Variants in DHRSX observed in about 807,000 individuals in gnomAD.
The protein encoded by DHRSX is dehydrogenase/reductase X-linked.
DHRSX carries 31 observed loss-of-function variants against 34.0 expected under a neutral mutation model. The observed-to-expected ratio is 0.91, with a 90% CI of 0.69 to 1.23. The LOEUF (loss-of-function observed/expected upper bound fraction) is 1.23, where lower values mean the gene tolerates loss of function less well. DHRSX is among the 50% of genes most tolerant of loss of function. The probability of loss-of-function intolerance (pLI) is 0.00; values close to 1 mark genes in which losing one functional copy is unlikely to be tolerated. For missense variants in DHRSX, 414 were observed against 428.1 expected (o/e 0.97, Z 0.29); for synonymous variants, 201 against 183.8 (o/e 1.09, Z -0.76).
chrX:2,423,666 C>T (rs1481963947), intron 2 of DHRSX, among the ~76,000 whole-genome samples: 1 of 152,034 alleles, frequency 6.6e-6, no homozygotes, highest in Non-Finnish European at 1.5e-5. Context: ...TTTCCAAGCT[C>T]GTCTCCACAC....
chrX:2,266,920 T>A lies in DHRSX; in HGVS notation c.416A>T (p.Lys139Ile). ...ATGTTCTTCGAATCCATCTCTGGTT[T>A]TCCTCTGAGGGACCATCATCACCCC... ...NAGVMMVPQRKTRDGFEEHFG... is the reference protein window; with the variant it reads ...NAGVMMVPQRITRDGFEEHFG... The change falls in exon 5 of 7, where the codon AAA (lysine) becomes ATA (isoleucine). Residue 139 changes from lysine to isoleucine, a missense_variant. Coordinates refer to ENST00000334651, the MANE Select transcript of DHRSX (RefSeq NM_145177.3). 1 of 1,613,972 alleles carries A rather than the reference T, an allele frequency of 6.2e-7. No individual in the cohort carries two copies. Among genetic ancestry groups the A allele is most frequent in the Non-Finnish European group, 8.5e-7 (1 of 1,179,860 alleles).
chrX:2,388,801 G>C (rs2043301731), intron 3 of DHRSX, among the ~76,000 whole-genome samples: 1 of 151,852 alleles, frequency 6.6e-6, no homozygotes, highest in African/African-American at 2.4e-5. Flanking sequence ...CCAGCCTCCA[G>C]GACTGTGGGA....
intron 1 of DHRSX, among the ~76,000 whole-genome samples, chrX:2,463,180 G>A (rs963011934): frequency 2.0e-5 from 3 of 152,216 alleles, no homozygotes; most frequent in Non-Finnish European, 4.4e-5. Flanking sequence ...CCCAACTGAA[G>A]GTATTTTATT....
At chrX:2,232,312 C>T (rs2015913426) in intron 6 of DHRSX, among the ~76,000 whole-genome samples, 1 of 139,186 alleles carries the variant, frequency 7.2e-6, no homozygotes, top group African/African-American at 2.8e-5. Context: ...CCTGAATGAA[C>T]TTGTATCCAC....
At chrX:2,229,659 G>GTATGTA (rs199865705) in intron 6 of DHRSX, among the ~76,000 whole-genome samples, 1 of 152,074 alleles carries the variant, frequency 6.6e-6, no homozygotes, top group Non-Finnish European at 1.5e-5. Context: ...GTGCATGTCT[G>GTATGTA]TATGTATATG....
At chrX:2,373,664 G>A (rs757437490) in intron 3 of DHRSX, among the ~76,000 whole-genome samples, 1 of 152,172 alleles carries the variant, frequency 6.6e-6, no homozygotes, top group African/African-American at 2.4e-5. Context: ...GTTGTATCTG[G>A]AGCTGAAGTT....
rs766420994 is a variant in DHRSX, at chrX:2,243,156, C to T, written c.671G>A (p.Arg224Gln). The change falls in exon 6 of 7, where the codon CGG becomes CAG. Residue 224 changes from arginine to glutamine, a missense_variant. By Grantham distance (43) the Arg-to-Gln change is conservative (BLOSUM62 1). Coordinates refer to ENST00000334651, the MANE Select transcript of DHRSX (RefSeq NM_145177.3). ...ALVLFTYHLQ[R>Q]LLAAEGSHVT... ...GTGGCTTCCCTCAGCCGCCAGCAGC[C>T]GCTGGAGGTGGTAGGTGAACAGGAC... 7.3e-5 allele frequency: 118 copies of T among 1,613,912 alleles called. No individual in the cohort carries two copies. The South Asian group carries it at 7.6e-4, about 10-fold the overall frequency.
chrX:2,307,918 G>A (rs749213343), intron 3 of DHRSX, among the ~76,000 whole-genome samples: 4 of 152,136 alleles, frequency 2.6e-5, no homozygotes, highest in South Asian at 2.1e-4. Flanking sequence ...CAGTGGCTGC[G>A]TTCACCTGGA....
chrX:2,407,552 G>A (rs961257010), intron 3 of DHRSX, among the ~76,000 whole-genome samples: 12 of 152,128 alleles, frequency 7.9e-5, no homozygotes, highest in East Asian at 1.9e-4. Flanking sequence ...ACATCCCCTC[G>A]TTATCTAACC....
At position 2,342,672 on chromosome X, in the gene DHRSX, A is replaced by T. The variant is rs184766753; in HGVS notation, c.287-51069T>A. Among the ~76,000 whole-genome samples the T allele has an allele frequency of 2.3e-3, 344 of 152,256 alleles. 1 individual carries two copies. The highest frequency in any genetic ancestry group is 7.5e-3 in the African/African-American group (313 of 41,544). On this transcript the variant is annotated intron_variant, in intron 3 of 6. Coordinates refer to ENST00000334651, the MANE Select transcript of DHRSX (RefSeq NM_145177.3). ...CCCAAGATGCAGCAGTAGGTCACTG[A>T]CAGACTCTCTTCCATTTATTCACAG...
chrX:2,408,222 C>T (rs1372501297), intron 3 of DHRSX, among the ~76,000 whole-genome samples: 1 of 151,864 alleles, frequency 6.6e-6, no homozygotes, highest in East Asian at 1.9e-4. Context: ...ATTACAGGCA[C>T]ATGCCACCAT....
intron 1 of DHRSX, among the ~76,000 whole-genome samples, chrX:2,437,241 C>T (rs1163248480): frequency 7.2e-5 from 11 of 152,106 alleles, no homozygotes; most frequent in East Asian, 1.9e-4. Context: ...CCTCGTGATC[C>T]GCCCACCTCA....
intron 1 of DHRSX, among the ~76,000 whole-genome samples, chrX:2,496,592 T>A (rs1241987902): frequency 1.3e-5 from 2 of 152,116 alleles, no homozygotes; most frequent in Non-Finnish European, 2.9e-5. Flanking sequence ...AAAAACTTAC[T>A]CATGGAATCA....
chrX:2,286,391 G>A (rs904505714), intron 4 of DHRSX, among the ~76,000 whole-genome samples: 47 of 152,210 alleles, frequency 3.1e-4, no homozygotes, highest in African/African-American at 1.1e-3. Context: ...ACACAGGCTG[G>A]TGATGAATCC....
chrX:2,326,969 G>A (rs1198585071), intron 3 of DHRSX, among the ~76,000 whole-genome samples: 2 of 151,944 alleles, frequency 1.3e-5, no homozygotes, highest in Non-Finnish European at 2.9e-5. Flanking sequence ...CTGCCACCAT[G>A]CCCGGCTAAT....
chrX:2,469,389 T>TAG (rs2044553894), intron 1 of DHRSX, among the ~76,000 whole-genome samples: 1 of 128,870 alleles, frequency 7.8e-6, no homozygotes. Flanking sequence ...CATGTATACA[T>TAG]TGAAGACGTT....
chrX:2,467,962 CA>C lies in DHRSX; in HGVS notation c.109+32854del, dbSNP rs746652058. Among the ~76,000 whole-genome samples the C allele has an allele frequency of 8.9e-3, 748 of 84,204 alleles. 5 individuals carry two copies. Among genetic ancestry groups the C allele is most frequent in the East Asian group, 0.039 (133 of 3,408 alleles). 55.2% of individuals were successfully genotyped at this position (84,204 alleles called of 152,430 possible). ...TGGGCGACACAGTAAAACTCCGTCT[CA>C]AAAAAAAAAAAAAAAAATGTTGGAC... On this transcript the variant is annotated intron_variant, in intron 1 of 6. Transcript: ENST00000334651.
intron 1 of DHRSX, among the ~76,000 whole-genome samples, chrX:2,456,671 G>T (rs2044302762): frequency 6.6e-6 from 1 of 151,058 alleles, no homozygotes; most frequent in East Asian, 1.9e-4. Context: ...AGGCAGCCAG[G>T]GATGCAAGCC....
intron 3 of DHRSX, among the ~76,000 whole-genome samples, chrX:2,391,626 G>A (rs748819062): frequency 3.3e-5 from 5 of 152,244 alleles, no homozygotes; most frequent in East Asian, 3.9e-4. Flanking sequence ...AGCCTGCCAC[G>A]AAGCACCCAG....
Sources: allele counts gnomAD v4.1 joint callset (sites outside exome capture counted in the v4.1 genomes callset), GRCh38; gene constraint gnomAD v4.1.1; transcripts MANE v1.5; gene names NCBI Gene and HGNC (gene_info 2026-07-23, HGNC 2026-07-21).